The following NCKAP5 variants were observed in gnomAD, a reference collection of about 807,000 sequenced individuals.
The protein encoded by NCKAP5 is nck-associated protein 5.
In NCKAP5, 92 loss-of-function variants were observed where a neutral mutation model predicts 167.0. The ratio of observed to expected loss-of-function variants is 0.55; its 90% CI spans 0.47 to 0.66. The LOEUF (loss-of-function observed/expected upper bound fraction) is 0.66, where lower values mean the gene tolerates loss of function less well. Ranked by LOEUF, NCKAP5 falls within the 30% of genes least tolerant of loss-of-function variation. The pLI is 0.00. For missense variants in NCKAP5, 2,378 were observed against 2,315.0 expected (o/e 1.03, Z -0.56); for synonymous variants, 891 against 877.4 (o/e 1.02, Z -0.27).
At chr2:133,452,461 T>C (rs150924508) in intron 3 of NCKAP5, among the ~76,000 whole-genome samples, 2 of 152,162 alleles carry the variant, frequency 1.3e-5, no homozygotes, top group Non-Finnish European at 2.9e-5. Flanking sequence ...GACCTATGGC[T>C]GATAATATGT....
intron 3 of NCKAP5, among the ~76,000 whole-genome samples, chr2:133,358,608 A>G (rs1355481876): frequency 6.6e-6 from 1 of 152,214 alleles, no homozygotes; most frequent in Non-Finnish European, 1.5e-5. Flanking sequence ...CACTGAGTAT[A>G]TAACATTATC....
chr2:132,735,821 A>G (rs1455359517), intron 16 of NCKAP5, among the ~76,000 whole-genome samples: 2 of 152,248 alleles, frequency 1.3e-5, no homozygotes, highest in Non-Finnish European at 2.9e-5. Context: ...ACACAAAGCC[A>G]TCGGGTAGTT....
At chr2:132,836,654 T>A (rs1304501523) in intron 11 of NCKAP5, among the ~76,000 whole-genome samples, 1 of 152,140 alleles carries the variant, frequency 6.6e-6, no homozygotes, top group East Asian at 1.9e-4. Context: ...CCAAGCAGTA[T>A]ACACTGCACC....
intron 12 of NCKAP5, among the ~76,000 whole-genome samples, chr2:132,795,831 A>AAAC (rs1462201497): frequency 6.0e-5 from 9 of 149,876 alleles, no homozygotes; most frequent in Non-Finnish European, 3.0e-5. Context: ...AAAAAAAAAA[A>AAAC]AAAAAAACAA....
the NCKAP5 span, among the ~76,000 whole-genome samples, chr2:133,597,931 G>T: frequency 6.6e-6 from 1 of 152,078 alleles, no homozygotes; most frequent in Non-Finnish European, 1.5e-5. Flanking sequence ...ATGCCCATAG[G>T]AAAGGAAGCT....
At chr2:133,023,245 C>G (rs1340249644) in intron 6 of NCKAP5, among the ~76,000 whole-genome samples, 1 of 152,214 alleles carries the variant, frequency 6.6e-6, no homozygotes, top group Non-Finnish European at 1.5e-5. Context: ...TAAACAGCTT[C>G]TCTCCATTCA....
chr2:132,863,448 TA>T (rs58404202), intron 10 of NCKAP5, among the ~76,000 whole-genome samples: 37,405 of 127,526 alleles, frequency 0.29, 5,070 homozygotes, highest in African/African-American at 0.39. Flanking sequence ...TTCAGATGGG[TA>T]AAAAAAAAAA....
chr2:132,781,751 G>T (rs1052616304), intron 14 of NCKAP5, among the ~76,000 whole-genome samples, 189 bp downstream of exon 14: 1 of 152,176 alleles, frequency 6.6e-6, no homozygotes, highest in African/African-American at 2.4e-5. Context: ...TGGACTAAAT[G>T]ATCATTTTAT....
At chr2:133,415,316 T>A (rs1689040652) in intron 3 of NCKAP5, among the ~76,000 whole-genome samples, 1 of 152,266 alleles carries the variant, frequency 6.6e-6, no homozygotes, top group African/African-American at 2.4e-5. Context: ...ATTATTAATG[T>A]GAGATACTTA....
chr2:133,265,578 A>G (rs1412535070), intron 4 of NCKAP5, among the ~76,000 whole-genome samples: 1 of 152,204 alleles, frequency 6.6e-6, no homozygotes, highest in Non-Finnish European at 1.5e-5. Context: ...GGCAGTTGCC[A>G]GTAGCAACAG....
chr2:133,399,455 G>C (rs1192082738), intron 3 of NCKAP5, among the ~76,000 whole-genome samples: 2 of 151,938 alleles, frequency 1.3e-5, no homozygotes, highest in Non-Finnish European at 2.9e-5. Context: ...GCAGTTGAAG[G>C]CAGGGAGAAA....
chr2:133,478,521 C>T (rs1259760714), intron 3 of NCKAP5, among the ~76,000 whole-genome samples: 5 of 152,164 alleles, frequency 3.3e-5, no homozygotes, highest in South Asian at 4.1e-4. Flanking sequence ...CCTGCCCTGA[C>T]ACCTCGATAG....
chr2:133,079,322 G>A (rs2080725207), intron 6 of NCKAP5, among the ~76,000 whole-genome samples: 1 of 152,144 alleles, frequency 6.6e-6, no homozygotes, highest in Admixed American at 6.5e-5. Flanking sequence ...GAGAAGGGTT[G>A]AAGCAAAAGA....
At chr2:133,443,352 C>A (rs758994266) in intron 3 of NCKAP5, among the ~76,000 whole-genome samples, 1 of 152,152 alleles carries the variant, frequency 6.6e-6, no homozygotes, top group Non-Finnish European at 1.5e-5. Flanking sequence ...ATTAGTGAAA[C>A]AAAACAACTG....
At chr2:133,542,153 A>G (rs1686277512) in intron 2 of NCKAP5, among the ~76,000 whole-genome samples, 1 of 152,190 alleles carries the variant, frequency 6.6e-6, no homozygotes, top group South Asian at 2.1e-4. Flanking sequence ...GTCCCTAAAC[A>G]TAGAAAAGCT....
At chr2:133,381,216 A>G (rs2150948984) in intron 3 of NCKAP5, among the ~76,000 whole-genome samples, 1 of 152,290 alleles carries the variant, frequency 6.6e-6, no homozygotes. Context: ...CCCATTCCAT[A>G]CCAATGACAG....
intron 3 of NCKAP5, among the ~76,000 whole-genome samples, chr2:133,451,866 G>A (rs1438554911): frequency 1.3e-5 from 2 of 152,102 alleles, no homozygotes; most frequent in Non-Finnish European, 2.9e-5. Flanking sequence ...AAGGAGTGAT[G>A]GGAACTTCAA....
intron 9 of NCKAP5, among the ~76,000 whole-genome samples, chr2:132,876,167 C>T (rs990217014): frequency 2.0e-5 from 3 of 152,126 alleles, no homozygotes; most frequent in Non-Finnish European, 4.4e-5. Flanking sequence ...TCACTGCAGC[C>T]TCGACCTCCT....
chr2:133,674,039 T>G, the NCKAP5 span, among the ~76,000 whole-genome samples: 1 of 152,222 alleles, frequency 6.6e-6, no homozygotes, highest in Non-Finnish European at 1.5e-5. Context: ...GGGTATTTAC[T>G]GAACTTGCAG....
Sources: gnomAD v4.1 joint callset for allele counts (sites outside exome capture counted in the v4.1 genomes callset) on GRCh38, gnomAD v4.1.1 for gene constraint, MANE v1.5 for transcripts, NCBI Gene and HGNC (gene_info 2026-07-23, HGNC 2026-07-21) for gene names.